Variants in PSG11 observed in about 807,000 individuals in gnomAD.
The protein encoded by PSG11 is pregnancy specific beta-1-glycoprotein 11.
In PSG11, 42 loss-of-function variants were observed where a neutral mutation model predicts 36.0. The ratio of observed to expected loss-of-function variants is 1.17; its 90% CI spans 0.91 to 1.51. The LOEUF (loss-of-function observed/expected upper bound fraction) is 1.51. Ranked by LOEUF, PSG11 falls within the 40% of genes most tolerant of loss-of-function variation. PSG11 has a pLI of 0.00. For synonymous variants in PSG11, 206 were observed against 153.5 expected (o/e 1.34, Z -2.53); for missense variants, 558 against 403.5 (o/e 1.38, Z -3.28).
intron 5 of PSG11, among the ~76,000 whole-genome samples, chr19:43,009,059 T>G (rs1401760877): frequency 6.6e-6 from 1 of 151,188 alleles, no homozygotes; most frequent in Non-Finnish European, 1.5e-5. Context: ...GGCATTCAAT[T>G]TTTTCTATTT....
intron 2 of PSG11, chr19:43,019,255 G>T: frequency 8.8e-7 from 1 of 1,135,660 alleles, no homozygotes; most frequent in Non-Finnish European, 1.2e-6. Context: ...GAGAAGCACA[G>T]ACTTTCTCAG....
At chr19:43,009,886 T>G in intron 5 of PSG11, 72 bp downstream of exon 5, 1 of 1,231,164 alleles carries the variant, frequency 8.1e-7, no homozygotes, top group East Asian at 2.4e-5. Context: ...TACAGGCAAA[T>G]AAGTCATTTC....
At chr19:43,011,072 C>G (rs1365127267) in intron 4 of PSG11, among the ~76,000 whole-genome samples, 1 of 151,042 alleles carries the variant, frequency 6.6e-6, no homozygotes, top group South Asian at 2.1e-4. Flanking sequence ...GCTGTAAAAA[C>G]TTTCCTGGTG....
At position 43,017,864 on chromosome 19, in the gene PSG11, C is replaced by G. The variant is rs137927474; in HGVS notation, c.709+906G>C. ...TATTCCAAAATATTTTATTCCTTTT[C>G]ATGTTAATGTGAATTGAAATTCTTT... is the stretch of plus-strand genomic sequence containing the variant. On this transcript the variant is annotated intron_variant, in intron 3 of 5. Coordinates refer to ENST00000320078, the MANE Select transcript of PSG11 (RefSeq NM_002785.3). 5.2e-3 allele frequency among the ~76,000 whole-genome samples: 784 copies of G among 151,604 alleles called. 33 individuals are homozygous for G. The highest frequency in any genetic ancestry group is 0.018 in the African/African-American group (752 of 41,174).
intron 3 of PSG11, among the ~76,000 whole-genome samples, chr19:43,018,074 C>T (rs1351604068): frequency 1.3e-5 from 2 of 151,194 alleles, no homozygotes; most frequent in East Asian, 3.9e-4. Flanking sequence ...AGATAGACTT[C>T]CCTGGAAAAC....
At position 43,018,440 on chromosome 19, in the gene PSG11, C is replaced by A. The variant is rs1052948451; in HGVS notation, c.709+330G>T. 12 of 475,934 alleles carry A rather than the reference C, an allele frequency of 2.5e-5. 1 individual carries two copies. The highest frequency in any genetic ancestry group is 1.3e-4 in the Admixed American group (4 of 30,150). 29.5% of individuals were successfully genotyped at this position (475,934 alleles called of 1,614,324 possible). A position where few individuals can be genotyped will look rare whatever the true frequency, so the allele number is the denominator to read the frequency against. ...GGGAAAATCCTGGTCTGTGGAAGGG[C>A]CACAGTGACCCTGTGAGCCAAGTCG... On this transcript the variant is annotated intron_variant, in intron 3 of 5. Coordinates refer to ENST00000320078, the MANE Select transcript of PSG11 (RefSeq NM_002785.3).
At chr19:43,018,190 C>T (rs1967012234) in intron 3 of PSG11, among the ~76,000 whole-genome samples, 1 of 151,096 alleles carries the variant, frequency 6.6e-6, no homozygotes, top group African/African-American at 2.4e-5. Context: ...ACATAGACCC[C>T]TCTATATGTT....
chr19:43,025,881 T>A (rs1445044456), intron 1 of PSG11, among the ~76,000 whole-genome samples: 1 of 149,114 alleles, frequency 6.7e-6, no homozygotes, highest in East Asian at 1.9e-4. Flanking sequence ...TTGGGTGTAT[T>A]TTCCCCTATC....
At chr19:43,008,430 A>T (rs1235175564) in intron 5 of PSG11, among the ~76,000 whole-genome samples, 1 of 150,644 alleles carries the variant, frequency 6.6e-6, no homozygotes, top group African/African-American at 2.5e-5. Flanking sequence ...CTGCCACCAC[A>T]CCCAGCTAAT....
chr19:43,018,942 C>T lies in PSG11; in HGVS notation c.537G>A (p.Leu179=). ...GGAGGCTCTGACCATTCATCCACCA[C>T]AGGTAGCTTGCGTCCGGAGTCTCAG... is the stretch of plus-strand genomic sequence containing the variant. ...CNPETPDASY[L]WWMNGQSLPM... is the part of the protein sequence containing the mutation. Residue 179 remains leucine (L), a synonymous_variant, in exon 3 of 6, where the codon CTG becomes CTA. Coordinates refer to ENST00000320078, the MANE Select transcript of PSG11 (RefSeq NM_002785.3). The T allele has an allele frequency of 1.9e-6, 3 of 1,612,164 alleles. No homozygotes were observed. The highest frequency in any genetic ancestry group is 2.2e-5 in the East Asian group (1 of 44,808).
intron 5 of PSG11, among the ~76,000 whole-genome samples, 178 bp downstream of exon 5, chr19:43,009,780 G>C (rs1337111104): frequency 1.3e-5 from 2 of 151,226 alleles, no homozygotes; most frequent in Non-Finnish European, 2.9e-5. Flanking sequence ...AAGACAGTGG[G>C]GTACAGGGAG....
chr19:43,025,409 C>G, intron 1 of PSG11: 1 of 261,232 alleles, frequency 3.8e-6, no homozygotes, highest in Non-Finnish European at 7.2e-6. Flanking sequence ...AGACTTCTTT[C>G]CTGACACCTC....
In PSG11 at chr19:43,012,499, A is replaced by G. The variant is rs527966388; in HGVS notation, c.965-2458T>C. Among the ~76,000 whole-genome samples, 363 of 151,560 alleles carry G rather than the reference A, an allele frequency of 2.4e-3. 5 individuals are homozygous for G. Among genetic ancestry groups the G allele is most frequent in the Non-Finnish European group, 4.0e-3 (271 of 67,884 alleles). On this transcript the variant is annotated intron_variant, in intron 4 of 5. Transcript: ENST00000320078. Reference sequence around the variant, plus strand: ...TCAGTTGTATTTCAATACACTAACCATGAACAATCTGAAGGGAAGTTAAGA... The same window carrying G: ...TCAGTTGTATTTCAATACACTAACCGTGAACAATCTGAAGGGAAGTTAAGA...
At chr19:43,017,995 A>T (rs1276897247) in intron 3 of PSG11, among the ~76,000 whole-genome samples, 1 of 151,236 alleles carries the variant, frequency 6.6e-6, no homozygotes, top group East Asian at 1.9e-4. Flanking sequence ...GCAGAAACAT[A>T]TTCCCTGTCC....
Position 43,007,701 on chromosome 19 carries a change from A to G in PSG11, c.*382T>C, listed in dbSNP as rs1973964248. ...TATTACCATAAACATATGAATATTC[A>G]TGAATAGATTCCCAATTCTGGGGCA... On this transcript the variant is annotated 3_prime_UTR_variant, in exon 6 of 6. Transcript: ENST00000320078. 1 of 180,778 alleles carries G rather than the reference A, an allele frequency of 5.5e-6. No individual in the cohort carries two copies. Among genetic ancestry groups the G allele is most frequent in the African/African-American group, 2.4e-5 (1 of 42,084 alleles). The allele number at this position is 180,778 out of a possible 1,614,324, so 11.2% of individuals were successfully genotyped here.
In PSG11 at chr19:43,018,943, A is replaced by G. The variant is rs527272926; in HGVS notation, c.536T>C (p.Leu179Pro). The G allele has an allele frequency of 1.9e-6, 3 of 1,612,140 alleles. No homozygotes were observed. The highest frequency in any genetic ancestry group is 1.3e-5 in the African/African-American group (1 of 74,520). ...GAGGCTCTGACCATTCATCCACCACAGGTAGCTTGCGTCCGGAGTCTCAGG... is the reference window on the plus strand; with the variant it reads ...GAGGCTCTGACCATTCATCCACCACGGGTAGCTTGCGTCCGGAGTCTCAGG... The part of the protein sequence containing the change: ...CNPETPDASY[L>P]WWMNGQSLPM... Residue 179 changes from leucine to proline, a missense_variant, in exon 3 of 6, where the codon CTG becomes CCG. Coordinates refer to ENST00000320078, the MANE Select transcript of PSG11 (RefSeq NM_002785.3).
intron 3 of PSG11, chr19:43,018,408 G>A (rs1967018712): frequency 2.4e-6 from 1 of 413,188 alleles, no homozygotes; most frequent in Admixed American, 3.3e-5. Context: ...GACATTGTCA[G>A]AGGGAAGGGA....
chr19:43,021,981 C>G (rs1967112374), intron 2 of PSG11, among the ~76,000 whole-genome samples: 1 of 151,398 alleles, frequency 6.6e-6, no homozygotes, highest in Non-Finnish European at 1.5e-5. Flanking sequence ...CTCATTCCTG[C>G]ACATAGACAA....
In PSG11 at chr19:43,024,830, T is replaced by A; in HGVS notation, c.291A>T (p.Gly97=). 6.2e-7 allele frequency: 1 copy of A among 1,612,012 alleles called. No individual in the cohort carries two copies. ...QIIIYGPAYS[G]RETVYSNASL... Reference sequence around the variant, plus strand: ...ATGCATTGGAATATACTGTTTCTCGTCCACTGTATGCCGGTCCATATATAA... The same window carrying A: ...ATGCATTGGAATATACTGTTTCTCGACCACTGTATGCCGGTCCATATATAA... The change falls in exon 2 of 6, where the codon GGA becomes GGT. Residue 97 remains glycine (G), a synonymous_variant. Coordinates refer to ENST00000320078, the MANE Select transcript of PSG11 (RefSeq NM_002785.3).
Sources: allele counts gnomAD v4.1 joint callset (sites outside exome capture counted in the v4.1 genomes callset), GRCh38; gene constraint gnomAD v4.1.1; transcripts MANE v1.5; gene names NCBI Gene and HGNC (gene_info 2026-07-23, HGNC 2026-07-21).